Variants in RAB3C observed in about 807,000 individuals in gnomAD.
RAB3C encodes RAB3C, member RAS oncogene family.
A neutral mutation model predicts 26.4 loss-of-function variants in RAB3C; 17 were observed. The observed-to-expected ratio is 0.64, with a 90% CI of 0.44 to 0.97. The LOEUF (loss-of-function observed/expected upper bound fraction) is 0.97, where lower values mean the gene tolerates loss of function less well. Ranked by LOEUF, RAB3C falls within the 50% of genes least tolerant of loss-of-function variation. The pLI, the probability that RAB3C is intolerant of heterozygous loss-of-function variation, is 0.00. For synonymous variants in RAB3C, 91 were observed against 95.9 expected (o/e 0.95, Z 0.30); for missense variants, 242 against 281.9 (o/e 0.86, Z 1.01).
chr5:58,621,946 T>C (rs2111731125), intron 2 of RAB3C, among the ~76,000 whole-genome samples: 1 of 152,324 alleles, frequency 6.6e-6, no homozygotes, highest in East Asian at 1.9e-4. Context: ...TTCTACTTGA[T>C]GGTTTGCTTT....
chr5:58,715,453 G>A (rs751001336), intron 2 of RAB3C, among the ~76,000 whole-genome samples: 9 of 151,558 alleles, frequency 5.9e-5, no homozygotes, highest in Non-Finnish European at 8.8e-5. Context: ...GGGAATTAAT[G>A]AAGGAAGAAG....
rs191036409 is a variant in RAB3C, at chr5:58,623,425, C to T, written c.252+5555C>T. 5.9e-5 allele frequency among the ~76,000 whole-genome samples: 9 copies of T among 152,288 alleles called. No homozygotes were observed. In the East Asian group the frequency reaches 1.7e-3, roughly 29 times the overall value. On this transcript the variant is annotated intron_variant, in intron 2 of 4. Transcript: ENST00000282878. ...GCCCAGGCAAGCTTCTTAAGAAAAC[C>T]ACCAAAGCCAGTGACAGCTGCCAAG...
intron 1 of RAB3C, among the ~76,000 whole-genome samples, chr5:58,595,623 AT>A (rs1010685505): frequency 6.6e-6 from 1 of 152,176 alleles, no homozygotes; most frequent in Non-Finnish European, 1.5e-5. Context: ...GTTTGAAAAA[AT>A]GACAGATTTC....
At chr5:58,842,294 G>A (rs918445919) in intron 4 of RAB3C, among the ~76,000 whole-genome samples, 3 of 152,174 alleles carry the variant, frequency 2.0e-5, no homozygotes, top group Non-Finnish European at 2.9e-5. Context: ...CCAGAAAATC[G>A]TTTGTTCATC....
At chr5:58,605,259 C>T (rs1204803918) in intron 1 of RAB3C, among the ~76,000 whole-genome samples, 3 of 152,094 alleles carry the variant, frequency 2.0e-5, no homozygotes, top group Non-Finnish European at 4.4e-5. Flanking sequence ...CAATCTGGAG[C>T]TAAAATTCAC....
chr5:58,656,059 A>G (rs1221145124), intron 2 of RAB3C, among the ~76,000 whole-genome samples: 1 of 152,102 alleles, frequency 6.6e-6, no homozygotes, highest in Non-Finnish European at 1.5e-5. Context: ...TGCTGGGATT[A>G]CAAGCGTGAG....
chr5:58,761,310 T>C (rs746401085), intron 3 of RAB3C, among the ~76,000 whole-genome samples: 11 of 152,250 alleles, frequency 7.2e-5, no homozygotes, highest in Non-Finnish European at 1.0e-4. Context: ...TCATCTTCTA[T>C]TAATGACTTT....
Position 58,583,085 on chromosome 5 carries a change from T to A in RAB3C, c.-124T>A. 1 of 1,553,514 alleles carries A rather than the reference T, an allele frequency of 6.4e-7. No individual in the cohort carries two copies. On this transcript the variant is annotated 5_prime_UTR_variant, in exon 1 of 5. In the 5' UTR this introduces an upstream ATG that the reference lacks. Transcript: ENST00000282878. ...GGAGAGGACAGCTCCAGTGCTGATG[T>A]TGGAGCCGGTTAGCGAACCCCAAGA...
At chr5:58,628,934 A>G (rs1012545402) in intron 2 of RAB3C, among the ~76,000 whole-genome samples, 3 of 147,252 alleles carry the variant, frequency 2.0e-5, no homozygotes, top group African/African-American at 7.5e-5. Flanking sequence ...CATGCCTGTA[A>G]TCCTGACACT....
In RAB3C at chr5:58,655,849, G is replaced by A. The variant is rs1424382674; in HGVS notation, c.252+37979G>A. Among the ~76,000 whole-genome samples the A allele has an allele frequency of 3.5e-5, 5 of 141,064 alleles. No homozygotes were observed. In the East Asian group the frequency reaches 1.0e-3, roughly 29 times the overall value. The allele number at this position is 141,064 out of a possible 152,430, so 92.5% of individuals were successfully genotyped here. On this transcript the variant is annotated intron_variant, in intron 2 of 4. Transcript: ENST00000282878. ...CTCGCTCTGTCACCCAGGCTGGAGT[G>A]CAGTGACGCAGTCTCGGCTCACTGC...
chr5:58,800,243 T>C (rs1031942593), intron 3 of RAB3C, among the ~76,000 whole-genome samples: 5 of 152,258 alleles, frequency 3.3e-5, no homozygotes, highest in Non-Finnish European at 7.3e-5. Context: ...TTGGTGGTTA[T>C]GAGAAGCAGC....
chr5:58,716,085 C>A (rs1178053991), intron 2 of RAB3C, among the ~76,000 whole-genome samples: 2 of 127,428 alleles, frequency 1.6e-5, no homozygotes, highest in African/African-American at 3.0e-5. Flanking sequence ...AAAAGTCTTT[C>A]AGCAGGAAAA....
At chr5:58,685,706 G>C (rs1052948222) in intron 2 of RAB3C, among the ~76,000 whole-genome samples, 1 of 152,140 alleles carries the variant, frequency 6.6e-6, no homozygotes, top group African/African-American at 2.4e-5. Flanking sequence ...TTACCAGACT[G>C]TTATTGAGTA....
chr5:58,597,120 C>CATTATCTATATTATATAATAATATATA lies in RAB3C; in HGVS notation c.24+13890_24+13891insTATCTATATTATATAATAATATATAAT, dbSNP rs1746317199. On this transcript the variant is annotated intron_variant, in intron 1 of 4. Transcript: ENST00000282878. ...TATATATTATATAATATATATAATA[C>CATTATCTATATTATATAATAATATATA]ATAATATATAATATAATAATATATA... Among the ~76,000 whole-genome samples the CATTATCTATATTATATAATAATATATA allele has an allele frequency of 5.2e-4, 21 of 40,466 alleles. 1 individual carries two copies. Among genetic ancestry groups the CATTATCTATATTATATAATAATATATA allele is most frequent in the African/African-American group, 1.6e-3 (18 of 11,510 alleles). The allele number at this position is 40,466 out of a possible 152,430, so 26.5% of individuals were successfully genotyped here. A position where few individuals can be genotyped will look rare whatever the true frequency, so the allele number is the denominator to read the frequency against.
intron 1 of RAB3C, among the ~76,000 whole-genome samples, chr5:58,601,575 G>A (rs999973887): frequency 2.0e-5 from 3 of 152,034 alleles, no homozygotes; most frequent in South Asian, 4.2e-4. Flanking sequence ...AAGCTAGGAG[G>A]GTTGTATTTT....
At chr5:58,746,254 C>T (rs1273708228) in intron 3 of RAB3C, among the ~76,000 whole-genome samples, 4 of 152,142 alleles carry the variant, frequency 2.6e-5, no homozygotes, top group African/African-American at 7.2e-5. Flanking sequence ...AATCAAGAGC[C>T]TCCCTGTAAC....
At chr5:58,762,016 A>T (rs1380544064) in intron 3 of RAB3C, among the ~76,000 whole-genome samples, 2 of 151,804 alleles carry the variant, frequency 1.3e-5, no homozygotes, top group Non-Finnish European at 2.9e-5. Context: ...TCTGAGCCAC[A>T]TATGTTATTT....
chr5:58,749,641 G>A (rs759881696), intron 3 of RAB3C, among the ~76,000 whole-genome samples: 3 of 152,090 alleles, frequency 2.0e-5, no homozygotes, highest in African/African-American at 7.2e-5. Context: ...TTAAATATTT[G>A]TACAAAGAAG....
At chr5:58,810,061 C>T (rs1743034249) in intron 3 of RAB3C, among the ~76,000 whole-genome samples, 1 of 152,176 alleles carries the variant, frequency 6.6e-6, no homozygotes, top group Non-Finnish European at 1.5e-5. Context: ...CTGGGGCAGC[C>T]ACCCAGCAGA....
Sources: gnomAD v4.1 joint callset for allele counts (sites outside exome capture counted in the v4.1 genomes callset) on GRCh38, gnomAD v4.1.1 for gene constraint, MANE v1.5 for transcripts, NCBI Gene and HGNC (gene_info 2026-07-23, HGNC 2026-07-21) for gene names.